The following NTRK3 variants were observed in gnomAD, a reference collection of about 807,000 sequenced individuals.
The protein encoded by NTRK3 is NT-3 growth factor receptor.
A neutral mutation model predicts 91.7 loss-of-function variants in NTRK3; 24 were observed. The ratio of observed to expected loss-of-function variants is 0.26; its 90% CI spans 0.19 to 0.37. The LOEUF is 0.37. Among genes scored for constraint, NTRK3 ranks in the 10% least tolerant of loss-of-function variants. The pLI, the probability that NTRK3 is intolerant of heterozygous loss-of-function variation, is 1.00. For missense variants in NTRK3, 880 were observed against 1,068.9 expected (o/e 0.82, Z 2.46); for synonymous variants, 483 against 404.0 (o/e 1.20, Z -2.34).
chr15:88,058,979 A>C (rs1229021910), intron 13 of NTRK3, among the ~76,000 whole-genome samples: 3 of 152,152 alleles, frequency 2.0e-5, no homozygotes, highest in African/African-American at 7.2e-5. Context: ...GCAGCAAGCT[A>C]ATTGCAAAGC....
At chr15:87,918,762 C>T (rs569450809) in intron 17 of NTRK3, among the ~76,000 whole-genome samples, 10 of 152,250 alleles carry the variant, frequency 6.6e-5, no homozygotes, top group African/African-American at 1.7e-4. Flanking sequence ...ATGGATCTTG[C>T]GAATGGCTAG....
intron 14 of NTRK3, among the ~76,000 whole-genome samples, chr15:88,031,225 A>G (rs1042136231): frequency 2.0e-5 from 3 of 152,214 alleles, no homozygotes; most frequent in South Asian, 4.1e-4. Context: ...CCTAGGAGCA[A>G]TGGTTCAGTG....
chr15:87,891,322 G>A (rs1398096364), intron 17 of NTRK3, among the ~76,000 whole-genome samples: 1 of 152,086 alleles, frequency 6.6e-6, no homozygotes, highest in Non-Finnish European at 1.5e-5. Context: ...TACACAATTA[G>A]GCTTATTTGT....
At chr15:88,094,120 C>A (rs1207875984) in intron 13 of NTRK3, among the ~76,000 whole-genome samples, 1 of 152,128 alleles carries the variant, frequency 6.6e-6, no homozygotes, top group East Asian at 1.9e-4. Context: ...GTGGAAGGGG[C>A]TCTTCTTGCT....
intron 3 of NTRK3, among the ~76,000 whole-genome samples, chr15:88,210,660 G>A (rs1052754218): frequency 1.3e-5 from 2 of 152,204 alleles, no homozygotes; most frequent in African/African-American, 4.8e-5. Flanking sequence ...GTTTTATTTA[G>A]AAATTCCTCT....
intron 3 of NTRK3, among the ~76,000 whole-genome samples, chr15:88,218,783 C>T (rs912275988): frequency 2.0e-5 from 3 of 152,240 alleles, no homozygotes; most frequent in Admixed American, 2.0e-4. Context: ...GCTCCGGTCA[C>T]AGGAGGCCCT....
At chr15:88,162,541 C>G (rs922021816) in intron 5 of NTRK3, among the ~76,000 whole-genome samples, 32 of 152,320 alleles carry the variant, frequency 2.1e-4, no homozygotes, top group African/African-American at 7.0e-4. Flanking sequence ...AGGGAACCAT[C>G]ACTGCAGGAG....
intron 13 of NTRK3, among the ~76,000 whole-genome samples, chr15:88,106,305 C>A (rs1333543011): frequency 6.6e-6 from 1 of 152,220 alleles, no homozygotes. Flanking sequence ...ACAGAGGGAG[C>A]TTTACTGGGC....
Position 87,934,573 on chromosome 15 carries a change from C to A in NTRK3, c.1717-1389G>T, listed in dbSNP as rs146695615. Reference sequence around the variant, plus strand: ...CTAGAACTGCAGTAGTGTGAATATGCCAAAAGAGGTGTATCTGGGGGGGTC... The same window carrying A: ...CTAGAACTGCAGTAGTGTGAATATGACAAAAGAGGTGTATCTGGGGGGGTC... On this transcript the variant is annotated intron_variant, in intron 15 of 18. Transcript: ENST00000394480. Among the ~76,000 whole-genome samples, 738 of 152,210 alleles carry A rather than the reference C, an allele frequency of 4.8e-3. 8 individuals are homozygous for A. The highest frequency in any genetic ancestry group is 0.017 in the African/African-American group (712 of 41,516).
At chr15:88,253,449 A>C (rs1402965463) in intron 3 of NTRK3, 2 of 152,308 alleles carry the variant, frequency 1.3e-5, no homozygotes. Context: ...CTCAGAAGTC[A>C]AACAGGGATG....
rs377229833 is a variant in NTRK3, at chr15:87,877,629, G to A, written c.2293-509C>T. 1.3e-4 allele frequency among the ~76,000 whole-genome samples: 20 copies of A among 152,126 alleles called. No homozygotes were observed. In the East Asian group the frequency reaches 2.1e-3, roughly 16 times the overall value. On this transcript the variant is annotated intron_variant, in intron 18 of 18. Transcript: ENST00000394480. ...GCTCCCAGTTGCAGACTCTGTGCACGTCACCACACTTGCCTCTGAGTCATT... is the reference window on the plus strand; with the variant it reads ...GCTCCCAGTTGCAGACTCTGTGCACATCACCACACTTGCCTCTGAGTCATT...
rs532589520 is a variant in NTRK3 at position 88,056,953 on chromosome 15, G to C, written c.1397-23908C>G. On this transcript the variant is annotated intron_variant, in intron 13 of 18. Coordinates refer to ENST00000394480, the Ensembl canonical transcript of NTRK3. Reference sequence around the variant, plus strand: ...TGGGAGGCCGAGACGGGCGGATCACGAGGTCAGGAGATCGAGACCATCCTC... The same window carrying C: ...TGGGAGGCCGAGACGGGCGGATCACCAGGTCAGGAGATCGAGACCATCCTC... Among the ~76,000 whole-genome samples, 4 of 151,224 alleles carry C rather than the reference G, an allele frequency of 2.6e-5. No individual in the cohort carries two copies. In the East Asian group the frequency reaches 7.9e-4, roughly 30 times the overall value.
At chr15:88,140,009 A>G (rs2042241981) in intron 6 of NTRK3, among the ~76,000 whole-genome samples, 1 of 152,178 alleles carries the variant, frequency 6.6e-6, no homozygotes, top group African/African-American at 2.4e-5. Flanking sequence ...AACAGAAAAG[A>G]AAGGCTTAGC....
intron 3 of NTRK3, among the ~76,000 whole-genome samples, chr15:88,198,772 T>A (rs2048046645): frequency 6.6e-6 from 1 of 152,168 alleles, no homozygotes; most frequent in Non-Finnish European, 1.5e-5. Flanking sequence ...GGCTCCAACC[T>A]GCAGTGGGAA....
At chr15:88,136,728 C>T in intron 7 of NTRK3, 119 bp from the exon 8 acceptor site, 1 of 1,254,302 alleles carries the variant, frequency 8.0e-7, no homozygotes, top group Non-Finnish European at 1.1e-6. Flanking sequence ...CTAACACCAC[C>T]TGCTTGAGTT....
chr15:88,068,681 A>T (rs190572771), intron 13 of NTRK3, among the ~76,000 whole-genome samples: 1 of 152,262 alleles, frequency 6.6e-6, no homozygotes, highest in East Asian at 1.9e-4. Context: ...TGCATGGCAG[A>T]TCTGCACTGA....
At chr15:88,199,670 C>T (rs558961136) in intron 3 of NTRK3, among the ~76,000 whole-genome samples, 47 of 152,364 alleles carry the variant, frequency 3.1e-4, no homozygotes, top group Middle Eastern at 6.8e-3. Flanking sequence ...TGACCTTCTG[C>T]GCTGCACAAA....
chr15:88,045,573 A>G (rs1261439136), intron 13 of NTRK3, among the ~76,000 whole-genome samples: 6 of 152,236 alleles, frequency 3.9e-5, no homozygotes, highest in Admixed American at 1.3e-4. Flanking sequence ...TAGAGCTGCC[A>G]TAACAACCAC....
intron 13 of NTRK3, among the ~76,000 whole-genome samples, chr15:88,049,197 G>C (rs2080559636): frequency 1.3e-5 from 2 of 152,190 alleles, no homozygotes; most frequent in Admixed American, 1.3e-4. Context: ...CCGCATGCAA[G>C]AGGCATGGAA....
Sources: allele counts gnomAD v4.1 joint callset (sites outside exome capture counted in the v4.1 genomes callset), GRCh38; gene constraint gnomAD v4.1.1; transcripts MANE v1.5; gene names NCBI Gene and HGNC (gene_info 2026-07-23, HGNC 2026-07-21).